Variants in RASAL2 observed in about 807,000 individuals in gnomAD.
RASAL2 encodes the protein ras GTPase-activating protein nGAP.
RASAL2 carries 58 observed loss-of-function variants against 128.9 expected under a neutral mutation model. That is an observed-to-expected ratio of 0.45 (90% CI 0.36 to 0.56). RASAL2 has a LOEUF of 0.56. Ranked by LOEUF, RASAL2 falls within the 20% of genes least tolerant of loss-of-function variation. RASAL2 has a pLI of 0.00. For synonymous variants in RASAL2, 561 were observed against 580.8 expected (o/e 0.97, Z 0.49); for missense variants, 1,360 against 1,601.6 (o/e 0.85, Z 2.57).
chr1:178,250,818 G>A lies in RASAL2; in HGVS notation c.203-32746G>A, dbSNP rs543334341. ...TGTGTCCTTACACTGTGTTTGCTTA[G>A]TCACGTTATTTTGAAATTTAAAGAC... On this transcript the variant is annotated intron_variant, in intron 1 of 17. Coordinates refer to ENST00000367649, the MANE Select transcript of RASAL2 (RefSeq NM_170692.4). Among the ~76,000 whole-genome samples the A allele has an allele frequency of 5.3e-5, 8 of 152,218 alleles. No homozygotes were observed. In the East Asian group the frequency reaches 1.5e-3, roughly 29 times the overall value.
At chr1:178,234,870 T>C (rs1293759964) in intron 1 of RASAL2, among the ~76,000 whole-genome samples, 3 of 152,194 alleles carry the variant, frequency 2.0e-5, no homozygotes, top group Non-Finnish European at 4.4e-5. Context: ...TAAAATAAAG[T>C]TGAAGAATGC....
chr1:178,318,950 T>G (rs921242075), intron 3 of RASAL2, among the ~76,000 whole-genome samples: 1 of 152,202 alleles, frequency 6.6e-6, no homozygotes, highest in Non-Finnish European at 1.5e-5. Context: ...CCTTTCCATG[T>G]TTAGCACTTC....
intron 5 of RASAL2, among the ~76,000 whole-genome samples, chr1:178,438,279 A>G (rs1271049661): frequency 1.3e-5 from 2 of 152,078 alleles, no homozygotes; most frequent in Non-Finnish European, 2.9e-5. Context: ...TTTACTTTAT[A>G]ATTTAACCAA....
intron 1 of RASAL2, among the ~76,000 whole-genome samples, chr1:178,201,689 A>G (rs971988999): frequency 2.6e-5 from 4 of 152,262 alleles, no homozygotes; most frequent in Non-Finnish European, 4.4e-5. Context: ...GCAAAGCAGC[A>G]ATCAGAATAG....
At chr1:178,143,754 GTT>G (rs5778975) in intron 1 of RASAL2, among the ~76,000 whole-genome samples, 33 of 143,108 alleles carry the variant, frequency 2.3e-4, no homozygotes, top group East Asian at 6.1e-4. Flanking sequence ...TATTGTTTGG[GTT>G]TTTTTTTTTT....
intron 1 of RASAL2, among the ~76,000 whole-genome samples, chr1:178,209,956 G>A (rs1022990544): frequency 4.6e-5 from 7 of 151,814 alleles, no homozygotes; most frequent in African/African-American, 1.7e-4. Flanking sequence ...TATCAAATGT[G>A]GAAAAATATT....
rs60358768 is a variant in RASAL2 at position 178,447,673 on chromosome 1, TAAAAAAAAAA to T, written c.1627+2030_1627+2039del. ...GAGACAAGAGCAAAACTCCTTCTCT[TAAAAAAAAAA>T]AAAAAAAAAAAAAAAAAAGCCATTG... On this transcript the variant is annotated intron_variant, in intron 9 of 17. Coordinates refer to ENST00000367649, the MANE Select transcript of RASAL2 (RefSeq NM_170692.4). Among the ~76,000 whole-genome samples, 81 of 56,056 alleles carry T rather than the reference TAAAAAAAAAA, an allele frequency of 1.4e-3. 1 individual carries two copies. Among genetic ancestry groups the T allele is most frequent in the African/African-American group, 4.4e-3 (64 of 14,458 alleles). The allele number at this position is 56,056 out of a possible 152,430, so 36.8% of individuals were successfully genotyped here.
chr1:178,218,185 C>T (rs1311327670), intron 1 of RASAL2, among the ~76,000 whole-genome samples: 1 of 152,126 alleles, frequency 6.6e-6, no homozygotes, highest in East Asian at 1.9e-4. Context: ...CTTTCAAAGT[C>T]ATCAATGAAA....
At chr1:178,402,955 G>A (rs530880316) in intron 4 of RASAL2, among the ~76,000 whole-genome samples, 1 of 152,078 alleles carries the variant, frequency 6.6e-6, no homozygotes, top group East Asian at 1.9e-4. Context: ...TAGGCTAATA[G>A]ACCTCACTTT....
chr1:178,147,503 T>A (rs1372638512), intron 1 of RASAL2, among the ~76,000 whole-genome samples: 344 of 141,966 alleles, frequency 2.4e-3, no homozygotes, highest in African/African-American at 8.7e-3. Context: ...AAAAGAAAAG[T>A]AAAGGAAAGC....
intron 12 of RASAL2, 33 bp downstream of exon 12, chr1:178,454,681 A>C (rs765308915): frequency 6.4e-7 from 1 of 1,570,616 alleles, no homozygotes; most frequent in South Asian, 1.1e-5. Context: ...AGAGAACTTT[A>C]ATGTACCTGA....
chr1:178,186,513 A>G (rs1662306442), intron 1 of RASAL2, among the ~76,000 whole-genome samples: 1 of 152,166 alleles, frequency 6.6e-6, no homozygotes, highest in Non-Finnish European at 1.5e-5. Context: ...TTTACTAATT[A>G]TAGAATTTCA....
At chr1:178,187,748 G>A (rs528266768) in intron 1 of RASAL2, among the ~76,000 whole-genome samples, 3 of 152,000 alleles carry the variant, frequency 2.0e-5, no homozygotes, top group Non-Finnish European at 4.4e-5. Context: ...TTATTAGGGT[G>A]GATCTGAAGT....
chr1:178,184,247 A>G (rs1218120965), intron 1 of RASAL2, among the ~76,000 whole-genome samples: 2 of 152,074 alleles, frequency 1.3e-5, no homozygotes, highest in Non-Finnish European at 2.9e-5. Flanking sequence ...TCCAGTTTAT[A>G]TCTTGTCTTT....
chr1:178,094,947 G>A (rs1558050023), intron 1 of RASAL2, among the ~76,000 whole-genome samples: 1 of 152,190 alleles, frequency 6.6e-6, no homozygotes, highest in Non-Finnish European at 1.5e-5. Context: ...GGCTATCCAA[G>A]ACGTAATTCT....
At chr1:178,462,675 T>A (rs1647239777) in intron 14 of RASAL2, among the ~76,000 whole-genome samples, 1 of 152,174 alleles carries the variant, frequency 6.6e-6, no homozygotes, top group Non-Finnish European at 1.5e-5. Context: ...TTGTCACTTT[T>A]ATTTTTATTA....
rs201139012 is a variant in RASAL2 at position 178,458,277 on chromosome 1, C to G, written c.2985C>G (p.His995Gln). ...GGCGGCACACGGTGCCAGATAGACA[C>G]ATACCTCTTGCTTTGCCACGACAAA... Reference protein sequence around the residue: ...FSRRHTVPDRHIPLALPRQNS... With the variant: ...FSRRHTVPDRQIPLALPRQNS... Residue 995 changes from histidine to glutamine, a missense_variant, in exon 14 of 18, where the codon CAC becomes CAG. Coordinates refer to ENST00000367649, the MANE Select transcript of RASAL2 (RefSeq NM_170692.4). The G allele has an allele frequency of 3.7e-6, 6 of 1,614,262 alleles. No homozygotes were observed. In the African/African-American group the frequency reaches 8.0e-5, roughly 22 times the overall value.
At chr1:178,458,901 T>A (rs888403355) in intron 14 of RASAL2, among the ~76,000 whole-genome samples, 1 of 152,320 alleles carries the variant, frequency 6.6e-6, no homozygotes, top group Middle Eastern at 3.4e-3. Flanking sequence ...ATCTGAAAAT[T>A]AATCCTTCTT....
At chr1:178,268,359 T>C (rs1666083698) in intron 1 of RASAL2, among the ~76,000 whole-genome samples, 1 of 151,998 alleles carries the variant, frequency 6.6e-6, no homozygotes, top group South Asian at 2.1e-4. Flanking sequence ...TCCCAGCTAC[T>C]TGGGAGGCTG....
Sources: allele counts gnomAD v4.1 joint callset (sites outside exome capture counted in the v4.1 genomes callset), GRCh38; gene constraint gnomAD v4.1.1; transcripts MANE v1.5; gene names NCBI Gene and HGNC (gene_info 2026-07-23, HGNC 2026-07-21).